EML4: variants seen among roughly 807,000 people sequenced by gnomAD.
EML4 encodes EMAP like 4.
A neutral mutation model predicts 129.0 loss-of-function variants in EML4; 72 were observed. That is an observed-to-expected ratio of 0.56 (90% CI 0.46 to 0.68). The LOEUF (loss-of-function observed/expected upper bound fraction) is 0.68. EML4 is among the 30% of genes least tolerant of loss of function. EML4 has a pLI of 0.00. For synonymous variants in EML4, 532 were observed against 405.0 expected (o/e 1.31, Z -3.77); for missense variants, 1,363 against 1,190.6 (o/e 1.14, Z -2.13).
chr2:42,288,510 A>G (rs943436339), intron 11 of EML4, 188 bp downstream of exon 11: 5 of 347,300 alleles, frequency 1.4e-5, no homozygotes, highest in Admixed American at 9.3e-5. Context: ...ACAAGATAAA[A>G]TAGTCAAGCA....
rs1435710665 is a variant in EML4 at position 42,303,121 on chromosome 2, C to G, written c.1659C>G (p.Gly553=). ...TTTTCTAGGTTCCTGATCAGTATGG[C>G]ACAATCAGAGCTGTAGCAGAAGGAA... is the stretch of plus-strand genomic sequence containing the variant. ...EREIEVPDQY[G]TIRAVAEGKA... is the part of the protein sequence containing the mutation. Residue 553 remains glycine, a synonymous_variant, in exon 15 of 23, where the codon GGC becomes GGG. Transcript: ENST00000318522. 1 of 1,613,910 alleles carries G rather than the reference C, an allele frequency of 6.2e-7. No homozygotes were observed. The highest frequency in any genetic ancestry group is 1.7e-5 in the Admixed American group (1 of 59,988).
chr2:42,259,676 G>C lies in EML4; in HGVS notation c.339-1445G>C, dbSNP rs114843701. On this transcript the variant is annotated intron_variant, in intron 3 of 22. Transcript: ENST00000318522. ...AGAAATTTAAAACTCTGGCAGAAGA[G>C]TATGTTAGAACGCATCTCTCTTTCT... Among the ~76,000 whole-genome samples, 903 of 148,998 alleles carry C rather than the reference G, an allele frequency of 6.1e-3. 6 individuals carry two copies. Among genetic ancestry groups the C allele is most frequent in the Non-Finnish European group, 9.8e-3 (661 of 67,268 alleles).
rs185517993 is a variant in EML4 at position 42,270,852 on chromosome 2, A to G, written c.667+6121A>G. ...GATAAACAGAAAGGACGGAAGACCAATGCATTTCCAGTGGAGACACATACT... is the reference window on the plus strand; with the variant it reads ...GATAAACAGAAAGGACGGAAGACCAGTGCATTTCCAGTGGAGACACATACT... On this transcript the variant is annotated intron_variant, in intron 6 of 22. Coordinates refer to ENST00000318522, the MANE Select transcript of EML4 (RefSeq NM_019063.5). Among the ~76,000 whole-genome samples, 218 of 152,336 alleles carry G rather than the reference A, an allele frequency of 1.4e-3. 1 individual carries two copies. The highest frequency in any genetic ancestry group is 4.6e-3 in the Admixed American group (70 of 15,306).
chr2:42,294,205 T>G (rs771739505), intron 11 of EML4, among the ~76,000 whole-genome samples: 4 of 152,230 alleles, frequency 2.6e-5, no homozygotes, highest in Non-Finnish European at 4.4e-5. Context: ...GTCTCATGCT[T>G]GTATTCTTCC....
intron 11 of EML4, among the ~76,000 whole-genome samples, chr2:42,292,998 G>A (rs1266413563): frequency 1.3e-5 from 2 of 152,094 alleles, no homozygotes; most frequent in East Asian, 1.9e-4. Flanking sequence ...AGACTGTTCA[G>A]TCAATCTTTA....
intron 19 of EML4, among the ~76,000 whole-genome samples, chr2:42,318,298 G>A (rs892763685): frequency 1.3e-5 from 2 of 152,156 alleles, no homozygotes; most frequent in Non-Finnish European, 2.9e-5. Context: ...ACAGATAAAA[G>A]AATTAGTTTT....
At chr2:42,306,633 C>T (rs1201322619) in intron 17 of EML4, among the ~76,000 whole-genome samples, 1 of 150,202 alleles carries the variant, frequency 6.7e-6, no homozygotes, top group Middle Eastern at 3.2e-3. Flanking sequence ...GCTGGGACTA[C>T]AGGCGCCCTG....
At chr2:42,225,364 A>G (rs1335078322) in intron 1 of EML4, among the ~76,000 whole-genome samples, 1 of 152,140 alleles carries the variant, frequency 6.6e-6, no homozygotes, top group Non-Finnish European at 1.5e-5. Context: ...TTACATTCCT[A>G]CCAGCAATGC....
rs1670110671 is a variant in EML4, at chr2:42,331,734, T to C, written c.*1527T>C. The C allele has an allele frequency of 1.8e-5, 4 of 220,570 alleles. No individual in the cohort carries two copies. The highest frequency in any genetic ancestry group is 2.7e-5 in the Non-Finnish European group (3 of 109,928). 13.7% of individuals were successfully genotyped at this position (220,570 alleles called of 1,614,324 possible). Reference sequence around the variant, plus strand: ...GGTATTTCATCATCATTTGGTAATATGAAAACTCCAGTGAACTCCCAAGGA... The same window carrying C: ...GGTATTTCATCATCATTTGGTAATACGAAAACTCCAGTGAACTCCCAAGGA... On this transcript the variant is annotated 3_prime_UTR_variant, in exon 23 of 23. Transcript: ENST00000318522.
intron 1 of EML4, among the ~76,000 whole-genome samples, chr2:42,243,443 T>G (rs1675171743): frequency 6.6e-6 from 1 of 152,218 alleles, no homozygotes; most frequent in Non-Finnish European, 1.5e-5. Flanking sequence ...TGGACACATG[T>G]GCCTTTAAGT....
intron 1 of EML4, among the ~76,000 whole-genome samples, chr2:42,234,113 G>A (rs1674516031): frequency 6.6e-6 from 1 of 152,228 alleles, no homozygotes; most frequent in African/African-American, 2.4e-5. Flanking sequence ...TTTTGCCTGT[G>A]TGTTGTGTGC....
At chr2:42,257,392 A>C (rs1676221795) in intron 3 of EML4, among the ~76,000 whole-genome samples, 1 of 152,208 alleles carries the variant, frequency 6.6e-6, no homozygotes, top group Admixed American at 6.5e-5. Context: ...TAATAAGATC[A>C]TGTGTAACAA....
chr2:42,234,750 C>A (rs918402303), intron 1 of EML4, among the ~76,000 whole-genome samples: 7 of 152,212 alleles, frequency 4.6e-5, no homozygotes, highest in Non-Finnish European at 1.0e-4. Flanking sequence ...TATAAAACAG[C>A]AGCTTTTAAT....
chr2:42,299,195 C>G (rs774407319), intron 13 of EML4, among the ~76,000 whole-genome samples: 1 of 152,214 alleles, frequency 6.6e-6, no homozygotes. Flanking sequence ...CCAAATCAAG[C>G]AAGCCCTTTC....
At chr2:42,323,348 T>C (rs1435293357) in intron 19 of EML4, among the ~76,000 whole-genome samples, 1 of 152,146 alleles carries the variant, frequency 6.6e-6, no homozygotes, top group African/African-American at 2.4e-5. Context: ...TCTCTGAAAA[T>C]TGATTTCTTA....
At chr2:42,324,337 C>T (rs551013952) in intron 19 of EML4, among the ~76,000 whole-genome samples, 6 of 152,030 alleles carry the variant, frequency 3.9e-5, no homozygotes, top group Non-Finnish European at 5.9e-5. Flanking sequence ...AGTAATTGAC[C>T]GGATACAGTG....
At chr2:42,246,780 G>A (rs1675428173) in intron 2 of EML4, among the ~76,000 whole-genome samples, 1 of 152,172 alleles carries the variant, frequency 6.6e-6, no homozygotes, top group Non-Finnish European at 1.5e-5. Context: ...CAACATTTCA[G>A]CATAGCACAA....
intron 1 of EML4, among the ~76,000 whole-genome samples, chr2:42,244,980 T>G (rs1675289948): frequency 6.6e-6 from 1 of 152,008 alleles, no homozygotes; most frequent in Non-Finnish European, 1.5e-5. Flanking sequence ...TTTTAATGAT[T>G]TGTGAAGTTT....
chr2:42,188,909 C>T (rs961641961), intron 1 of EML4, among the ~76,000 whole-genome samples: 4 of 152,158 alleles, frequency 2.6e-5, no homozygotes, highest in African/African-American at 9.7e-5. Context: ...GCAGGAGGAT[C>T]GCTTGAGCCC....
Sources: gnomAD v4.1 joint callset for allele counts (sites outside exome capture counted in the v4.1 genomes callset) on GRCh38, gnomAD v4.1.1 for gene constraint, MANE v1.5 for transcripts, NCBI Gene and HGNC (gene_info 2026-07-23, HGNC 2026-07-21) for gene names.